Variants in ZNF222 observed in about 807,000 individuals in gnomAD.
ZNF222 encodes zinc finger protein 222.
In ZNF222, 8 loss-of-function variants were observed where a neutral mutation model predicts 11.6. The ratio of observed to expected loss-of-function variants is 0.69; its 90% CI spans 0.41 to 1.25. The LOEUF is 1.25. ZNF222 is among the 50% of genes most tolerant of loss of function. The pLI is 0.01. For missense variants in ZNF222, 483 were observed against 576.1 expected, an observed-to-expected ratio of 0.84 and a Z score of 1.65; for synonymous variants, 171 against 195.6, an observed-to-expected ratio of 0.87 and a Z score of 1.05.
rs73554199 is a variant in ZNF222 at position 44,026,980 on chromosome 19, T to C, written c.43-43T>C. ...GTGCAATGCTGCTGTCTCCCAATAG[T>C]CTTTGGCCGTAAGATTGAGGTGACA... is the stretch of plus-strand genomic sequence containing the variant. On this transcript the variant is annotated intron_variant, in intron 1 of 3. Coordinates refer to ENST00000391960, the MANE Select transcript of ZNF222 (RefSeq NM_001129996.2). 15,406 of 1,612,452 alleles carry C rather than the reference T, an allele frequency of 9.6e-3. 420 individuals are homozygous for C. Among genetic ancestry groups the C allele is most frequent in the African/African-American group, 0.079 (5,938 of 74,966 alleles).
intron 1 of ZNF222, chr19:44,026,228 T>G: frequency 1.3e-6 from 1 of 794,414 alleles, no homozygotes; most frequent in Non-Finnish European, 2.1e-6. Flanking sequence ...TACCCCAAAA[T>G]ACATGATCTT....
chr19:44,026,761 T>C (rs1459570122), intron 1 of ZNF222, among the ~76,000 whole-genome samples: 1 of 152,138 alleles, frequency 6.6e-6, no homozygotes, highest in Non-Finnish European at 1.5e-5. Context: ...GAGTTAGAGA[T>C]AGCATCTCAG....
In ZNF222 at chr19:44,025,434, C is replaced by A; in HGVS notation, c.-3C>A. ...TCCTTTCCTTGGGGCTCGCAACCACCCAATGATCGATTCAGGAGAAAAGAA... is the reference window on the plus strand; with the variant it reads ...TCCTTTCCTTGGGGCTCGCAACCACACAATGATCGATTCAGGAGAAAAGAA... On this transcript the variant is annotated 5_prime_UTR_variant, in exon 1 of 4. Transcript: ENST00000391960. The surrounding 1 kb of genome is among the most constrained non-coding windows in gnomAD (Gnocchi z 4.6). The A allele has an allele frequency of 6.4e-7, 1 of 1,551,632 alleles. No homozygotes were observed. Among genetic ancestry groups the A allele is most frequent in the East Asian group, 2.4e-5 (1 of 40,912 alleles).
In ZNF222 at chr19:44,029,191, G is replaced by GTTTTTTTTTTT. The variant is rs1171435860; in HGVS notation, c.262+1714_262+1724dup. Among the ~76,000 whole-genome samples the GTTTTTTTTTTT allele has an allele frequency of 6.6e-3, 410 of 61,860 alleles. 1 individual carries two copies. Among genetic ancestry groups the GTTTTTTTTTTT allele is most frequent in the Non-Finnish European group, 8.8e-3 (311 of 35,288 alleles). The allele number at this position is 61,860 out of a possible 152,430, so 40.6% of individuals were successfully genotyped here. On this transcript the variant is annotated intron_variant, in intron 3 of 3. Transcript: ENST00000391960. ...GACAGTTGTTGGTTTGTTTTGTTTT[G>GTTTTTTTTTTT]TTTTTTTTTTTTTTTTTTTTTTTGT... is the stretch of plus-strand genomic sequence containing the variant.
At chr19:44,027,573 G>A in intron 3 of ZNF222, 83 bp downstream of exon 3, 1 of 1,304,318 alleles carries the variant, frequency 7.7e-7, no homozygotes, top group Non-Finnish European at 1.1e-6. Flanking sequence ...TGGGGTAAAT[G>A]GCCAAACCTG....
chr19:44,032,514 A>G lies in ZNF222; in HGVS notation c.960A>G (p.Thr320=). The G allele has an allele frequency of 1.2e-6, 2 of 1,614,234 alleles. No homozygotes were observed. Among genetic ancestry groups the G allele is most frequent in the Non-Finnish European group, 8.5e-7 (1 of 1,180,040 alleles). ...TTAATAGGCATTGCATGGTCCACAC[A>G]GCAGAGAAACTGTACAAATCTGAAA... The part of the protein sequence containing the change: ...SSLNRHCMVH[T]AEKLYKSEKY... The change falls in exon 4 of 4, where the codon ACA becomes ACG. Residue 320 remains threonine, a synonymous_variant. Coordinates refer to ENST00000391960, the MANE Select transcript of ZNF222 (RefSeq NM_001129996.2).
chr19:44,028,986 C>T (rs534853780), intron 3 of ZNF222, among the ~76,000 whole-genome samples: 4 of 152,208 alleles, frequency 2.6e-5, no homozygotes, highest in South Asian at 4.1e-4. Context: ...TAACACCAAA[C>T]GCAATGCCTA....
chr19:44,032,413 C>A lies in ZNF222; in HGVS notation c.859C>A (p.His287Asn), dbSNP rs148587244. ...CATGCACAATTTCCAGCTTCAGAAA[C>A]ATCACAGAATTCATACTGGGGAGAA... ...AFMHNFQLQK[H>N]HRIHTGEKPF... The change falls in exon 4 of 4, where the codon CAT becomes AAT. Residue 287 changes from histidine to asparagine, a missense_variant. By Grantham distance (68) the His-to-Asn change is moderately conservative. Transcript: ENST00000391960. 6.2e-7 allele frequency: 1 copy of A among 1,614,070 alleles called. No individual in the cohort carries two copies. Among genetic ancestry groups the A allele is most frequent in the South Asian group, 1.1e-5 (1 of 91,086 alleles).
At position 44,025,785 on chromosome 19, in the gene ZNF222, A is replaced by G. The variant is rs1976347089; in HGVS notation, c.42+307A>G. On this transcript the variant is annotated intron_variant, in intron 1 of 3. Transcript: ENST00000391960. This position sits in a 1 kb window ranked among gnomAD's most constrained non-coding sequence, Gnocchi z 4.6. The stretch of plus-strand genomic sequence containing the variant: ...GAGGTAACACAAATGAGAGCCTTAA[A>G]AGCAGTCCCTGTCACTCGGTGTCTG... Among the ~76,000 whole-genome samples, 1 of 152,116 alleles carries G rather than the reference A, an allele frequency of 6.6e-6. No homozygotes were observed. Among genetic ancestry groups the G allele is most frequent in the Admixed American group, 6.5e-5 (1 of 15,280 alleles).
intron 3 of ZNF222, among the ~76,000 whole-genome samples, chr19:44,029,465 AT>A (rs1343805358): frequency 1.3e-5 from 2 of 152,136 alleles, no homozygotes; most frequent in Non-Finnish European, 2.9e-5. Context: ...TCTTCAAAAA[AT>A]GTGTCTATTT....
chr19:44,027,073 G>A lies in ZNF222; in HGVS notation c.93G>A (p.Leu31=). The A allele has an allele frequency of 1.2e-6, 2 of 1,614,066 alleles. No individual in the cohort carries two copies. Among genetic ancestry groups the A allele is most frequent in the Non-Finnish European group, 1.7e-6 (2 of 1,180,008 alleles). Residue 31 remains leucine, a synonymous_variant, in exon 2 of 4, where the codon CTG becomes CTA. Coordinates refer to ENST00000391960, the MANE Select transcript of ZNF222 (RefSeq NM_001129996.2). ...DVAVIFTEEE[L]GLLDPAQRKL... is the part of the protein sequence containing the mutation. ...CTGTGATCTTCACTGAGGAGGAGCT[G>A]GGGCTGCTGGACCCTGCCCAGAGGA...
chr19:44,026,548 A>G (rs530553083), intron 1 of ZNF222, among the ~76,000 whole-genome samples: 4 of 129,010 alleles, frequency 3.1e-5, no homozygotes, highest in African/African-American at 1.6e-4. Flanking sequence ...CTCTCTATAT[A>G]TATATATATT....
At chr19:44,030,673 C>T (rs557228096) in intron 3 of ZNF222, among the ~76,000 whole-genome samples, 8 of 152,262 alleles carry the variant, frequency 5.3e-5, no homozygotes, top group African/African-American at 1.9e-4. Context: ...TCAGGATTAG[C>T]ATGTGACTTA....
chr19:44,026,901 G>A (rs1976385342), intron 1 of ZNF222, 122 bp from the exon 2 acceptor site: 4 of 1,467,862 alleles, frequency 2.7e-6, no homozygotes, highest in South Asian at 2.6e-5. Flanking sequence ...AAATCTATAA[G>A]CTGACCTATG....
At chr19:44,028,673 T>A (rs1034559597) in intron 3 of ZNF222, among the ~76,000 whole-genome samples, 2 of 152,240 alleles carry the variant, frequency 1.3e-5, no homozygotes, top group Non-Finnish European at 2.9e-5. Context: ...TATGACTGCA[T>A]CTTCAGCACC....
Position 44,025,431 on chromosome 19 carries a change from C to T in ZNF222, c.-6C>T. On this transcript the variant is annotated 5_prime_UTR_variant, in exon 1 of 4. Coordinates refer to ENST00000391960, the MANE Select transcript of ZNF222 (RefSeq NM_001129996.2). This position sits in a 1 kb window ranked among gnomAD's most constrained non-coding sequence, Gnocchi z 4.6. ...GTCTCCTTTCCTTGGGGCTCGCAACCACCCAATGATCGATTCAGGAGAAAA... is the reference window on the plus strand; with the variant it reads ...GTCTCCTTTCCTTGGGGCTCGCAACTACCCAATGATCGATTCAGGAGAAAA... The T allele has an allele frequency of 6.4e-7, 1 of 1,551,628 alleles. No individual in the cohort carries two copies. The highest frequency in any genetic ancestry group is 1.4e-5 in the African/African-American group (1 of 73,154).
In ZNF222 at chr19:44,029,077, AT is replaced by A. The variant is rs541496932; in HGVS notation, c.262+1597del. ...GTTTTGCTTTGTGGAACTCTGTGGAATTTTTTTTTTCCAAATACTTCTGATG... is the reference window on the plus strand; with the variant it reads ...GTTTTGCTTTGTGGAACTCTGTGGAATTTTTTTTTCCAAATACTTCTGATG... On this transcript the variant is annotated intron_variant, in intron 3 of 3. Coordinates refer to ENST00000391960, the MANE Select transcript of ZNF222 (RefSeq NM_001129996.2). Among the ~76,000 whole-genome samples, 1,150 of 149,218 alleles carry A rather than the reference AT, an allele frequency of 7.7e-3. 12 individuals are homozygous for A. The highest frequency in any genetic ancestry group is 0.027 in the African/African-American group (1,098 of 40,628).
rs769267562 is a variant in ZNF222 at position 44,027,178 on chromosome 19, T to C, written c.169+29T>C. The C allele has an allele frequency of 1.2e-5, 19 of 1,612,870 alleles. 1 individual carries two copies. In the South Asian group the frequency reaches 2.1e-4, roughly 18 times the overall value. On this transcript the variant is annotated intron_variant, in intron 2 of 3. Transcript: ENST00000391960. ...AGGACGGGCACCCCCTGTAATGGAA[T>C]GTCAGGCCCCAGGAGTGGTTTTTTA...
chr19:44,031,102 A>T lies in ZNF222; in HGVS notation c.263-715A>T, dbSNP rs1976493391. 4 of 152,348 alleles carry T rather than the reference A, an allele frequency of 2.6e-5. No individual in the cohort carries two copies. In the South Asian group the frequency reaches 8.3e-4, roughly 32 times the overall value. The allele number at this position is 152,348 out of a possible 1,614,324, so 9.4% of individuals were successfully genotyped here. ...TAACAGACAAATATACAAACTGTTT[A>T]TTCGTTATTGCTTCTCCTTAAAGTT... On this transcript the variant is annotated intron_variant, in intron 3 of 3. Transcript: ENST00000391960.
Sources: allele counts gnomAD v4.1 joint callset (sites outside exome capture counted in the v4.1 genomes callset), GRCh38; gene constraint gnomAD v4.1.1; non-coding constraint Gnocchi (gnomAD v3.1); transcripts MANE v1.5; gene names NCBI Gene and HGNC (gene_info 2026-07-23, HGNC 2026-07-21).